ZNF44: variants seen among roughly 807,000 people sequenced by gnomAD.
ZNF44 encodes the protein gonadotropin inducible transcription repressor-2.
Under a neutral mutation model 11.7 loss-of-function variants are expected in ZNF44, and 9 were observed. The observed-to-expected ratio is 0.77, with a 90% CI of 0.46 to 1.35. The LOEUF (loss-of-function observed/expected upper bound fraction) is 1.35. Among genes scored for constraint, ZNF44 ranks in the 40% most tolerant of loss-of-function variants. The probability of loss-of-function intolerance (pLI) is 0.00; values close to 1 mark genes in which losing one functional copy is unlikely to be tolerated. For missense variants in ZNF44, 696 were observed against 743.1 expected, an observed-to-expected ratio of 0.94 and a Z score of 0.74; for synonymous variants, 224 against 242.7, an observed-to-expected ratio of 0.92 and a Z score of 0.72.
intron 1 of ZNF44, among the ~76,000 whole-genome samples, chr19:12,282,552 G>A (rs1967523601): frequency 6.6e-6 from 1 of 151,510 alleles, no homozygotes; most frequent in South Asian, 2.1e-4. Flanking sequence ...CTCTCGAGCA[G>A]CTGGGATTAT....
chr19:12,231,407 G>C (rs917833263), intron 2 of ZNF44, among the ~76,000 whole-genome samples: 8 of 152,186 alleles, frequency 5.3e-5, no homozygotes, highest in African/African-American at 1.2e-4. Flanking sequence ...TACTCAGAAA[G>C]CAGCTTGCCA....
At chr19:12,246,904 T>C (rs1916781221), downstream of ZNF44, among the ~76,000 whole-genome samples, 1 of 151,318 alleles carries the variant, frequency 6.6e-6, no homozygotes, top group Admixed American at 6.6e-5. Flanking sequence ...TGGTGGCTCA[T>C]ACCTATAATC....
At chr19:12,288,774 G>GTATATA (rs55971577) in intron 1 of ZNF44, among the ~76,000 whole-genome samples, 925 of 76,770 alleles carry the variant, frequency 0.012, 75 homozygotes, top group African/African-American at 0.054. Context: ...AAAAAAAAAT[G>GTATATA]TATATATATA....
At chr19:12,225,421 C>T (rs1915874563), downstream of ZNF44, 1 of 152,072 alleles carries the variant, frequency 6.6e-6, no homozygotes, top group African/African-American at 2.4e-5. Context: ...TTTTGGTACT[C>T]CTTAGCTTTT....
At chr19:12,238,562 A>T (rs778515490), upstream of ZNF44, among the ~76,000 whole-genome samples, 20 of 145,974 alleles carry the variant, frequency 1.4e-4, no homozygotes, top group Admixed American at 2.8e-4. Flanking sequence ...CGGGAGACAG[A>T]GGTTGCAGTG....
chr19:12,293,198 T>C (rs1368554412), intron 1 of ZNF44: 20 of 1,529,310 alleles, frequency 1.3e-5, no homozygotes, highest in African/African-American at 2.7e-5. Flanking sequence ...AGGAATGATA[T>C]ACCAGAAGAT....
rs144006863 is a variant in ZNF44, at chr19:12,282,651, G to C, written c.4-6569C>G. 4.6e-5 allele frequency among the ~76,000 whole-genome samples: 7 copies of C among 152,072 alleles called. No homozygotes were observed. In the East Asian group the frequency reaches 1.4e-3, roughly 29 times the overall value. Reference sequence around the variant, plus strand: ...TTGGTCAGGCTGGTCTCGAATTTCTGACCTGAGGTGATCCGCCCACCTAGG... The same window carrying C: ...TTGGTCAGGCTGGTCTCGAATTTCTCACCTGAGGTGATCCGCCCACCTAGG... On this transcript the variant is annotated intron_variant, in intron 1 of 3. Coordinates refer to ENST00000355684, the MANE Select transcript of ZNF44 (RefSeq NM_016264.4).
At chr19:12,290,551 T>A (rs1967967764) in intron 1 of ZNF44, among the ~76,000 whole-genome samples, 1 of 150,894 alleles carries the variant, frequency 6.6e-6, no homozygotes, top group Non-Finnish European at 1.5e-5. Flanking sequence ...AATACAAAAA[T>A]TAGCTGGGCA....
chr19:12,288,772 AT>A (rs1298360491), intron 1 of ZNF44, among the ~76,000 whole-genome samples: 4 of 59,176 alleles, frequency 6.8e-5, no homozygotes, highest in African/African-American at 1.3e-4. Context: ...AAAAAAAAAA[AT>A]GTATATATAT....
intron 7 of ZNF44, chr19:12,249,953 G>T: frequency 7.9e-7 from 1 of 1,260,490 alleles, no homozygotes; most frequent in Non-Finnish European, 1.0e-6. Flanking sequence ...CTAGAATACT[G>T]CTTTCTTTTC....
chr19:12,237,292 G>A (rs1478363763), intron 1 of ZNF44: 3 of 152,518 alleles, frequency 2.0e-5, no homozygotes, highest in African/African-American at 4.8e-5. Flanking sequence ...CCGGGGTCCC[G>A]GCTGCTGGCC....
intron 1 of ZNF44, among the ~76,000 whole-genome samples, chr19:12,280,006 C>A (rs778727905): frequency 5.3e-5 from 8 of 151,418 alleles, no homozygotes; most frequent in Non-Finnish European, 7.4e-5. Flanking sequence ...ACAAAAAATT[C>A]TTTACTCTTC....
intron 1 of ZNF44, chr19:12,293,167 G>A (rs1968090420): frequency 1.3e-6 from 2 of 1,503,364 alleles, no homozygotes; most frequent in Non-Finnish European, 8.9e-7. Flanking sequence ...ACCGCGCCCA[G>A]CCCAGGGGTT....
intron 1 of ZNF44, chr19:12,284,564 GC>G: frequency 1.4e-6 from 1 of 713,528 alleles, no homozygotes; most frequent in Non-Finnish European, 2.6e-6. Flanking sequence ...TCTTCTCCCT[GC>G]CCATCAAGGA....
chr19:12,250,621 A>T, intron 5 of ZNF44: 1 of 378,596 alleles, frequency 2.6e-6, no homozygotes. Flanking sequence ...ACTCTGGAAA[A>T]GTGAGAGAAA....
rs1039036426 is a variant in ZNF44, at chr19:12,273,805, T to G, written c.450A>C (p.Leu150Phe). The change falls in exon 4 of 4, where the codon TTA becomes TTC. Residue 150 changes from leucine to phenylalanine, a missense_variant. Transcript: ENST00000355684. ...ATGTTTGAAAGGAGTGGCGATAACTTAAGCCTTTCCCACACTGCTTATGTG... is the reference window on the plus strand; with the variant it reads ...ATGTTTGAAAGGAGTGGCGATAACTGAAGCCTTTCCCACACTGCTTATGTG... ...SYTHKQCGKG[L>F]SYRHSFQTCE... 1.9e-6 allele frequency: 3 copies of G among 1,613,926 alleles called. No homozygotes were observed. In the African/African-American group the frequency reaches 4.0e-5, roughly 22 times the overall value.
At chr19:12,225,051 G>T (rs1056221481), downstream of ZNF44, 4 of 152,206 alleles carry the variant, frequency 2.6e-5, no homozygotes, top group African/African-American at 9.7e-5. Flanking sequence ...TTTGATTAAG[G>T]TGAATTTTAA....
chr19:12,273,519 T>C lies in ZNF44; in HGVS notation c.736A>G (p.Ile246Val), dbSNP rs1165997743. The C allele has an allele frequency of 6.2e-7, 1 of 1,614,006 alleles. No individual in the cohort carries two copies. The highest frequency in any genetic ancestry group is 8.5e-7 in the Non-Finnish European group (1 of 1,180,040). Residue 246 changes from isoleucine (I) to valine (V), a missense_variant, in exon 4 of 4, where the codon ATA (isoleucine) becomes GTA (valine). Transcript: ENST00000355684. ...TCATACGGTTTCTCCCCAGTGTGTATTTTTTCATGTCTTAGATAGGAACTG... is the reference window on the plus strand; with the variant it reads ...TCATACGGTTTCTCCCCAGTGTGTACTTTTTCATGTCTTAGATAGGAACTG... ...VYSSYLRHEK[I>V]HTGEKPYECK...
At chr19:12,228,783 G>A (rs1394992533) in intron 3 of ZNF44, among the ~76,000 whole-genome samples, 1 of 152,102 alleles carries the variant, frequency 6.6e-6, no homozygotes, top group Non-Finnish European at 1.5e-5. Context: ...CATAAGATTA[G>A]AAGTTAGGAT....
Sources: allele counts gnomAD v4.1 joint callset (sites outside exome capture counted in the v4.1 genomes callset), GRCh38; gene constraint gnomAD v4.1.1; transcripts MANE v1.5; gene names NCBI Gene and HGNC (gene_info 2026-07-23, HGNC 2026-07-21).